Variants in PTPRD observed in about 807,000 individuals in gnomAD.
PTPRD encodes the protein receptor-type tyrosine-protein phosphatase delta.
PTPRD carries 34 observed loss-of-function variants against 214.5 expected under a neutral mutation model. The ratio of observed to expected loss-of-function variants is 0.16; its 90% CI spans 0.12 to 0.21. The LOEUF (loss-of-function observed/expected upper bound fraction) is 0.21. Ranked by LOEUF, PTPRD falls within the 10% of genes least tolerant of loss-of-function variation. The pLI is 1.00. For synonymous variants in PTPRD, 1,128 were observed against 845.7 expected (o/e 1.33, Z -5.79); for missense variants, 2,545 against 2,398.7 (o/e 1.06, Z -1.27).
intron 10 of PTPRD, among the ~76,000 whole-genome samples, chr9:9,035,551 C>A (rs2099618925): frequency 6.6e-6 from 1 of 151,894 alleles, no homozygotes; most frequent in Non-Finnish European, 1.5e-5. Flanking sequence ...GGTGTTCCCC[C>A]CACCCCAACC....
intron 12 of PTPRD, among the ~76,000 whole-genome samples, chr9:8,729,463 GCA>G (rs1333997201): frequency 1.7e-4 from 26 of 151,444 alleles, no homozygotes; most frequent in Non-Finnish European, 1.5e-5. Flanking sequence ...AAAAAAATTA[GCA>G]CAGTGCTTCA....
At chr9:9,202,423 G>A (rs909619775) in intron 9 of PTPRD, among the ~76,000 whole-genome samples, 3 of 152,094 alleles carry the variant, frequency 2.0e-5, no homozygotes, top group Admixed American at 2.0e-4. Context: ...GTCCCTGACA[G>A]CTGTTTTCCA....
At chr9:9,961,309 G>A (rs982173840) in intron 4 of PTPRD, among the ~76,000 whole-genome samples, 2 of 152,080 alleles carry the variant, frequency 1.3e-5, no homozygotes, top group African/African-American at 4.8e-5. Flanking sequence ...CAAACAACAT[G>A]CCTTTGTCAT....
chr9:8,404,768 C>A (rs2130610558), intron 35 of PTPRD, 108 bp from the exon 36 acceptor site: 1 of 1,323,574 alleles, frequency 7.6e-7, no homozygotes, highest in African/African-American at 1.5e-5. Context: ...ATTCTGAAGC[C>A]ATACTTCATC....
intron 4 of PTPRD, among the ~76,000 whole-genome samples, chr9:9,957,594 G>A (rs1044603195): frequency 5.3e-5 from 8 of 151,828 alleles, no homozygotes; most frequent in African/African-American, 1.5e-4. Context: ...CACCACCATA[G>A]CAAAAACAAA....
intron 14 of PTPRD, among the ~76,000 whole-genome samples, chr9:8,622,525 T>A (rs1403478437): frequency 6.6e-6 from 1 of 151,992 alleles, no homozygotes; most frequent in Non-Finnish European, 1.5e-5. Context: ...TATATATGTA[T>A]AACTGCCTTG....
chr9:10,307,345 C>T (rs191073418), intron 3 of PTPRD, among the ~76,000 whole-genome samples: 2 of 152,128 alleles, frequency 1.3e-5, no homozygotes, highest in East Asian at 1.9e-4. Context: ...CTGTGCCTGG[C>T]TTATTTCACT....
chr9:10,441,193 C>A (rs2098756029), intron 2 of PTPRD, among the ~76,000 whole-genome samples: 1 of 151,628 alleles, frequency 6.6e-6, no homozygotes, highest in African/African-American at 2.4e-5. Context: ...AAATGAAAAT[C>A]TTTCATATTA....
At chr9:9,707,775 A>G (rs1273531327) in intron 7 of PTPRD, among the ~76,000 whole-genome samples, 3 of 152,098 alleles carry the variant, frequency 2.0e-5, no homozygotes. Flanking sequence ...TAGCAGTGCC[A>G]CTATTCTATT....
chr9:10,259,434 T>C (rs912596050), intron 3 of PTPRD, among the ~76,000 whole-genome samples: 1 of 152,152 alleles, frequency 6.6e-6, no homozygotes, highest in Non-Finnish European at 1.5e-5. Flanking sequence ...GATAATGACA[T>C]TGCTTATACA....
At chr9:8,392,100 T>A (rs149884910) in intron 36 of PTPRD, among the ~76,000 whole-genome samples, 7 of 151,992 alleles carry the variant, frequency 4.6e-5, no homozygotes, top group African/African-American at 1.7e-4. Context: ...AATTTAGGAA[T>A]TGGGCAAAGT....
intron 3 of PTPRD, among the ~76,000 whole-genome samples, chr9:10,161,659 A>C (rs1399787277): frequency 6.6e-6 from 1 of 151,796 alleles, no homozygotes; most frequent in African/African-American, 2.4e-5. Context: ...GTGTAAGACC[A>C]CAAAAGCAAG....
Position 9,585,206 on chromosome 9 carries a change from A to G in PTPRD, c.-286-10425T>C, listed in dbSNP as rs532568824. ...TTTGAATGTAAAACTTCCCAGTTTT[A>G]CAGCATGTTTATCTCAGTAGCAGAC... is the stretch of plus-strand genomic sequence containing the variant. On this transcript the variant is annotated intron_variant, in intron 7 of 45. Transcript: ENST00000381196. Among the ~76,000 whole-genome samples the G allele has an allele frequency of 9.9e-5, 15 of 152,168 alleles. No individual in the cohort carries two copies. The South Asian group carries it at 2.7e-3, about 27-fold the overall frequency.
chr9:9,617,669 T>G (rs1040502720), intron 7 of PTPRD, among the ~76,000 whole-genome samples: 2 of 151,926 alleles, frequency 1.3e-5, no homozygotes, highest in African/African-American at 4.8e-5. Flanking sequence ...CAGAGCATAG[T>G]ATTTGAAGGG....
intron 11 of PTPRD, among the ~76,000 whole-genome samples, chr9:8,920,499 C>A (rs2098820100): frequency 6.6e-6 from 1 of 152,116 alleles, no homozygotes; most frequent in Admixed American, 6.5e-5. Flanking sequence ...GGTATCCAAT[C>A]TTTTGGCTTC....
intron 11 of PTPRD, among the ~76,000 whole-genome samples, chr9:8,836,891 C>A (rs2154531464): frequency 6.6e-6 from 1 of 152,124 alleles, no homozygotes; most frequent in East Asian, 1.9e-4. Context: ...AAGTAAACAA[C>A]CTTTAGAACT....
At chr9:10,458,193 T>C (rs2098931981) in intron 2 of PTPRD, among the ~76,000 whole-genome samples, 1 of 152,110 alleles carries the variant, frequency 6.6e-6, no homozygotes, top group African/African-American at 2.4e-5. Flanking sequence ...TAATTTCACA[T>C]TTTATGAAGC....
chr9:10,061,935 AT>A (rs2097783813), intron 3 of PTPRD, among the ~76,000 whole-genome samples: 1 of 151,996 alleles, frequency 6.6e-6, no homozygotes, highest in South Asian at 2.1e-4. Context: ...CCACCCACAA[AT>A]ACTGAATCGG....
At chr9:9,197,672 A>G (rs1423999284) in intron 9 of PTPRD, among the ~76,000 whole-genome samples, 1 of 152,004 alleles carries the variant, frequency 6.6e-6, no homozygotes, top group African/African-American at 2.4e-5. Flanking sequence ...CGGCCTCCCA[A>G]AGTGCTGGGA....
Sources: gnomAD v4.1 joint callset for allele counts (sites outside exome capture counted in the v4.1 genomes callset) on GRCh38, gnomAD v4.1.1 for gene constraint, MANE v1.5 for transcripts, NCBI Gene and HGNC (gene_info 2026-07-23, HGNC 2026-07-21) for gene names.